Variants in LRRIQ3 observed in about 807,000 individuals in gnomAD.
LRRIQ3 encodes leucine rich repeats and IQ motif containing 3.
In LRRIQ3, 75 loss-of-function variants were observed where a neutral mutation model predicts 59.3. The ratio of observed to expected loss-of-function variants is 1.26; its 90% CI spans 1.05 to 1.53. LRRIQ3 has a LOEUF of 1.53. Among genes scored for constraint, LRRIQ3 ranks in the 40% most tolerant of loss-of-function variants. LRRIQ3 has a pLI of 0.00. For missense variants in LRRIQ3, 831 were observed against 710.0 expected (o/e 1.17, Z -1.94); for synonymous variants, 250 against 231.3 (o/e 1.08, Z -0.73).
intron 4 of LRRIQ3, among the ~76,000 whole-genome samples, chr1:74,122,819 A>G (rs1437823801): frequency 6.6e-6 from 1 of 152,168 alleles, no homozygotes; most frequent in Non-Finnish European, 1.5e-5. Flanking sequence ...AAAAGCCAAA[A>G]TTGACAAATG....
chr1:74,098,105 A>C (rs905396899), intron 5 of LRRIQ3, among the ~76,000 whole-genome samples: 3 of 152,208 alleles, frequency 2.0e-5, no homozygotes, highest in Non-Finnish European at 2.9e-5. Context: ...AAAGACACAG[A>C]CTGGCAAATT....
intron 4 of LRRIQ3, among the ~76,000 whole-genome samples, chr1:74,120,123 TG>T (rs1237928697): frequency 3.3e-5 from 5 of 151,606 alleles, no homozygotes; most frequent in African/African-American, 9.7e-5. Context: ...TTTTGTATGT[TG>T]TTTTTTTTTT....
At chr1:74,084,577 A>T (rs1646307193) in intron 5 of LRRIQ3, among the ~76,000 whole-genome samples, 1 of 151,748 alleles carries the variant, frequency 6.6e-6, no homozygotes, top group Admixed American at 6.6e-5. Context: ...TTTCCCACAG[A>T]AAGACAAAAA....
At chr1:74,147,899 C>A (rs753432061) in intron 4 of LRRIQ3, among the ~76,000 whole-genome samples, 1 of 152,100 alleles carries the variant, frequency 6.6e-6, no homozygotes, top group Non-Finnish European at 1.5e-5. Context: ...CATCTCTTCT[C>A]CTTCTGGGTC....
intron 6 of LRRIQ3, among the ~76,000 whole-genome samples, chr1:74,060,224 C>CTTG (rs1387470435): frequency 1.8e-4 from 20 of 112,254 alleles, no homozygotes; most frequent in South Asian, 7.8e-4. Flanking sequence ...TCTTCTTGTT[C>CTTG]TTCTTCTTCT....
At chr1:74,066,139 T>G (rs1226231126) in intron 6 of LRRIQ3, among the ~76,000 whole-genome samples, 1 of 147,048 alleles carries the variant, frequency 6.8e-6, no homozygotes, top group Admixed American at 6.9e-5. Context: ...TGAGCCAAGA[T>G]CATGCCATTG....
At chr1:74,108,060 T>C (rs958846047) in intron 5 of LRRIQ3, among the ~76,000 whole-genome samples, 5 of 151,806 alleles carry the variant, frequency 3.3e-5, no homozygotes, top group African/African-American at 1.2e-4. Flanking sequence ...AATATTTTAT[T>C]TGATTTCATG....
At chr1:74,175,769 A>G (rs1444744584) in intron 3 of LRRIQ3, among the ~76,000 whole-genome samples, 1 of 152,062 alleles carries the variant, frequency 6.6e-6, no homozygotes, top group African/African-American at 2.4e-5. Flanking sequence ...TCCTCTCTAT[A>G]TATTGTTTTT....
rs151145157 is a variant in LRRIQ3, at chr1:74,058,690, T to C, written c.997+15971A>G. ...CTATCATCAACAACAATTTGTTGCA[T>C]GTTTTCAAATAGCTAGAAGAGTGGA... On this transcript the variant is annotated intron_variant, in intron 6 of 7. Coordinates refer to ENST00000354431, the MANE Select transcript of LRRIQ3 (RefSeq NM_001105659.2). 3.8e-3 allele frequency among the ~76,000 whole-genome samples: 577 copies of C among 152,186 alleles called. 5 individuals are homozygous for C. Among genetic ancestry groups the C allele is most frequent in the African/African-American group, 0.013 (548 of 41,572 alleles).
intron 4 of LRRIQ3, among the ~76,000 whole-genome samples, chr1:74,147,172 T>C (rs1331703451): frequency 6.6e-6 from 1 of 152,150 alleles, no homozygotes; most frequent in Admixed American, 6.5e-5. Context: ...GAGGTTGCAG[T>C]GAGCTTAGAT....
intron 7 of LRRIQ3, among the ~76,000 whole-genome samples, chr1:74,032,667 A>G (rs1260625046): frequency 6.6e-6 from 1 of 152,032 alleles, no homozygotes; most frequent in Admixed American, 6.6e-5. Context: ...TAATTTCCTT[A>G]TGTTAAGGTT....
rs182543279 is a variant in LRRIQ3, at chr1:74,161,631, G to T, written c.574-5765C>A. ...TAGATGATTAGAACCAAGTAGCCCTGGTCAGAAGCAGTTCTCATCAGTAGA... is the reference window on the plus strand; with the variant it reads ...TAGATGATTAGAACCAAGTAGCCCTTGTCAGAAGCAGTTCTCATCAGTAGA... On this transcript the variant is annotated intron_variant, in intron 3 of 7. Transcript: ENST00000354431. 5.3e-5 allele frequency among the ~76,000 whole-genome samples: 8 copies of T among 151,848 alleles called. No individual in the cohort carries two copies. The East Asian group carries it at 1.6e-3, about 30-fold the overall frequency.
intron 5 of LRRIQ3, among the ~76,000 whole-genome samples, chr1:74,101,681 T>C (rs1294797395): frequency 6.6e-6 from 1 of 152,072 alleles, no homozygotes; most frequent in Non-Finnish European, 1.5e-5. Context: ...AATGATAGAC[T>C]AGATTAAGAA....
intron 4 of LRRIQ3, among the ~76,000 whole-genome samples, chr1:74,123,248 A>C (rs1646887796): frequency 6.6e-6 from 1 of 152,090 alleles, no homozygotes; most frequent in South Asian, 2.1e-4. Flanking sequence ...CAATGTCATC[A>C]GGATTAATGG....
Position 74,103,865 on chromosome 1 carries a change from G to A in LRRIQ3, c.867+5529C>T, listed in dbSNP as rs1646569399. On this transcript the variant is annotated intron_variant, in intron 5 of 7. Transcript: ENST00000354431. The stretch of plus-strand genomic sequence containing the variant: ...CAATCAAATAAGACTAGTTCTTGAT[G>A]TATGAAATTACAGCAACCTCACCGT... 2.0e-5 allele frequency among the ~76,000 whole-genome samples: 3 copies of A among 150,708 alleles called. No homozygotes were observed. The South Asian group carries it at 6.3e-4, about 32-fold the overall frequency.
At chr1:74,178,583 C>A (rs1473262930) in intron 3 of LRRIQ3, among the ~76,000 whole-genome samples, 2 of 152,064 alleles carry the variant, frequency 1.3e-5, no homozygotes, top group African/African-American at 2.4e-5. Flanking sequence ...AAAATATCAA[C>A]CTTGTACTGC....
intron 1 of LRRIQ3, among the ~76,000 whole-genome samples, chr1:74,192,433 T>C (rs1177653651): frequency 1.3e-5 from 2 of 152,134 alleles, no homozygotes; most frequent in Non-Finnish European, 2.9e-5. Flanking sequence ...AAATACCAAA[T>C]CTTATCCGAA....
At chr1:74,075,111 A>G (rs1321077280) in intron 5 of LRRIQ3, among the ~76,000 whole-genome samples, 1 of 152,184 alleles carries the variant, frequency 6.6e-6, no homozygotes, top group East Asian at 1.9e-4. Flanking sequence ...GAGAAGCAAG[A>G]TAGTGTTCCC....
rs1433888800 is a variant in LRRIQ3, at chr1:74,182,816, G to A, written c.295C>T (p.Leu99=). Reference sequence around the variant, plus strand: ...TTGTCATGAAGATAGAGTAGTTTTAGGTTCTTCAATCCATTCCAAAATTTG... The same window carrying A: ...TTGTCATGAAGATAGAGTAGTTTTAAGTTCTTCAATCCATTCCAAAATTTG... The part of the protein sequence containing the change: ...NTKFWNGLKN[L]KLLYLHDNGF... The change falls in exon 3 of 8, where the codon CTA becomes TTA. Residue 99 remains leucine (L), a synonymous_variant. Transcript: ENST00000354431. 6.3e-7 allele frequency: 1 copy of A among 1,586,714 alleles called. No individual in the cohort carries two copies. The highest frequency in any genetic ancestry group is 8.6e-7 in the Non-Finnish European group (1 of 1,165,538).
Sources: gnomAD v4.1 joint callset for allele counts (sites outside exome capture counted in the v4.1 genomes callset) on GRCh38, gnomAD v4.1.1 for gene constraint, MANE v1.5 for transcripts, NCBI Gene and HGNC (gene_info 2026-07-23, HGNC 2026-07-21) for gene names.